The following SLC23A2 variants were observed in gnomAD, a reference collection of about 807,000 sequenced individuals.
SLC23A2 encodes the protein Na(+)/L-ascorbic acid transporter 2.
SLC23A2 carries 36 observed loss-of-function variants against 73.3 expected under a neutral mutation model. The ratio of observed to expected loss-of-function variants is 0.49; its 90% confidence interval spans 0.38 to 0.65. The LOEUF is 0.65. Ranked by LOEUF, SLC23A2 falls within the 30% of genes least tolerant of loss-of-function variation. The pLI is 0.00. For synonymous variants in SLC23A2, 343 were observed against 327.3 expected (o/e 1.05, Z -0.52); for missense variants, 507 against 841.6 (o/e 0.60, Z 4.92).
intron 4 of SLC23A2, among the ~76,000 whole-genome samples, chr20:4,903,596 G>A (rs997314046): frequency 6.6e-6 from 1 of 152,142 alleles, no homozygotes; most frequent in Non-Finnish European, 1.5e-5. Context: ...CAGGGGTTTG[G>A]GGTTTGGGGC....
At chr20:4,903,197 C>T (rs1218042654) in intron 4 of SLC23A2, among the ~76,000 whole-genome samples, 1 of 152,082 alleles carries the variant, frequency 6.6e-6, no homozygotes, top group Non-Finnish European at 1.5e-5. Context: ...TTTCTCCTAA[C>T]ACTAGTAAAA....
In SLC23A2 at chr20:4,883,842, C is replaced by T. The variant is rs773057965; in HGVS notation, c.643-19G>A. ...CCTGGATCTGCAACAAGAGATGGCA[C>T]AGACATGAGAGTGAGCTGCTTGTAC... On this transcript the variant is annotated intron_variant, in intron 8 of 16. Coordinates refer to ENST00000338244, the MANE Select transcript of SLC23A2 (RefSeq NM_005116.6). This position sits in a 1 kb window ranked among gnomAD's most constrained non-coding sequence, Gnocchi z 4.5. 6.3e-7 allele frequency: 1 copy of T among 1,588,424 alleles called. No homozygotes were observed. Among genetic ancestry groups the T allele is most frequent in the Admixed American group, 1.7e-5 (1 of 57,610 alleles).
intron 1 of SLC23A2, among the ~76,000 whole-genome samples, chr20:4,986,641 TACAC>T (rs1430876697): frequency 5.1e-5 from 4 of 78,034 alleles, no homozygotes; most frequent in African/African-American, 1.8e-4. Flanking sequence ...GATACATACA[TACAC>T]ACATACACAC....
rs371928729 is a variant in SLC23A2 at position 4,930,262 on chromosome 20, CA to C, written c.108+2192del. 4.1e-3 allele frequency among the ~76,000 whole-genome samples: 629 copies of C among 152,324 alleles called. 6 individuals are homozygous for C. The highest frequency in any genetic ancestry group is 0.014 in the African/African-American group (579 of 41,560). Reference sequence around the variant, plus strand: ...CCAAAGAGATGAGGCAACCCCCATGCATGAAACCTTCCCATTCACTCTTCAA... The same window carrying C: ...CCAAAGAGATGAGGCAACCCCCATGCTGAAACCTTCCCATTCACTCTTCAA... On this transcript the variant is annotated intron_variant, in intron 3 of 16. Transcript: ENST00000338244.
At chr20:4,903,113 G>A (rs1931813723) in intron 4 of SLC23A2, among the ~76,000 whole-genome samples, 1 of 151,964 alleles carries the variant, frequency 6.6e-6, no homozygotes, top group Non-Finnish European at 1.5e-5. Flanking sequence ...TATAAACACG[G>A]TGATTTGAAT....
chr20:4,879,144 C>T (rs1040710821), intron 9 of SLC23A2, among the ~76,000 whole-genome samples: 3 of 152,124 alleles, frequency 2.0e-5, no homozygotes, highest in Non-Finnish European at 2.9e-5. Context: ...CGGTGGCTCA[C>T]GCCTGTAATC....
At chr20:5,002,260 C>T (rs1228655757), upstream of SLC23A2, among the ~76,000 whole-genome samples, 1 of 152,162 alleles carries the variant, frequency 6.6e-6, no homozygotes, top group Non-Finnish European at 1.5e-5. Context: ...TGGGCCCCAC[C>T]CCCAGAGTTG....
chr20:4,869,847 T>G (rs1352752376), intron 12 of SLC23A2, 59 bp downstream of exon 12: 1 of 1,502,480 alleles, frequency 6.7e-7, no homozygotes, highest in Non-Finnish European at 9.0e-7. Flanking sequence ...AATGTAAACC[T>G]AAGAACAAAG....
intron 2 of SLC23A2, among the ~76,000 whole-genome samples, chr20:4,950,698 C>A (rs2087187592): frequency 1.3e-5 from 2 of 152,068 alleles, no homozygotes; most frequent in African/African-American, 4.8e-5. Flanking sequence ...GCCTCCATCT[C>A]CCTAACACCA....
chr20:4,962,777 C>G (rs937275568), intron 2 of SLC23A2, among the ~76,000 whole-genome samples: 1 of 151,968 alleles, frequency 6.6e-6, no homozygotes, highest in African/African-American at 2.4e-5. Flanking sequence ...GGCAATGGAT[C>G]ACCTGAGGTC....
chr20:4,875,085 C>G (rs1435342972), intron 9 of SLC23A2, among the ~76,000 whole-genome samples: 1 of 152,170 alleles, frequency 6.6e-6, no homozygotes, highest in East Asian at 1.9e-4. Context: ...TATGAATTAA[C>G]TACAAAGCAA....
chr20:4,873,536 G>T, intron 11 of SLC23A2, among the ~76,000 whole-genome samples: 1 of 152,166 alleles, frequency 6.6e-6, no homozygotes, highest in Admixed American at 6.5e-5. Context: ...TCATGCTTGA[G>T]CAGGTTGCTT....
intron 2 of SLC23A2, among the ~76,000 whole-genome samples, chr20:4,969,344 T>G (rs1187897355): frequency 6.6e-6 from 1 of 151,634 alleles, no homozygotes; most frequent in Non-Finnish European, 1.5e-5. Context: ...CCGCCTCAGC[T>G]TCCCAAAGTG....
rs1288651219 is a variant in SLC23A2, at chr20:4,868,706, A to T, written c.1251-831T>A. On this transcript the variant is annotated intron_variant, in intron 12 of 16. Transcript: ENST00000338244. The surrounding 1 kb of genome is among the most constrained non-coding windows in gnomAD (Gnocchi z 4.4). ...GAGAAAGATGGGGACATCAGGTACC[A>T]GAGCCAAGGCCCAGTCCATTAATCT... Among the ~76,000 whole-genome samples, 2 of 152,226 alleles carry T rather than the reference A, an allele frequency of 1.3e-5. No homozygotes were observed. The highest frequency in any genetic ancestry group is 2.9e-5 in the Non-Finnish European group (2 of 68,034).
At chr20:4,874,767 T>C (rs1250379314) in intron 9 of SLC23A2, 71 bp from the exon 10 acceptor site, 2 of 1,340,268 alleles carry the variant, frequency 1.5e-6, no homozygotes, top group African/African-American at 2.9e-5. Flanking sequence ...ACTCGAAGCT[T>C]CTATGGCAAA....
At chr20:4,958,502 T>C (rs2080985553) in intron 2 of SLC23A2, among the ~76,000 whole-genome samples, 1 of 152,234 alleles carries the variant, frequency 6.6e-6, no homozygotes, top group Non-Finnish European at 1.5e-5. Flanking sequence ...TATGTATTTC[T>C]TAGCAACAAA....
chr20:4,983,515 A>T (rs1017566495), intron 1 of SLC23A2, among the ~76,000 whole-genome samples: 1 of 151,768 alleles, frequency 6.6e-6, no homozygotes, highest in Non-Finnish European at 1.5e-5. Flanking sequence ...GCGTTGTGGC[A>T]GGTGCCTGTA....
intron 11 of SLC23A2, among the ~76,000 whole-genome samples, chr20:4,873,633 T>C (rs1014397813): frequency 6.6e-6 from 1 of 152,240 alleles, no homozygotes; most frequent in African/African-American, 2.4e-5. Context: ...TCTAAGCAGC[T>C]GCCCTCAAAT....
At chr20:4,934,696 T>C (rs1201180324) in intron 2 of SLC23A2, among the ~76,000 whole-genome samples, 5 of 148,808 alleles carry the variant, frequency 3.4e-5, no homozygotes, top group Non-Finnish European at 7.4e-5. Context: ...ACCCCGTCTC[T>C]ACTAAAAAAT....
Sources: allele counts gnomAD v4.1 joint callset (sites outside exome capture counted in the v4.1 genomes callset), GRCh38; gene constraint gnomAD v4.1.1; non-coding constraint Gnocchi (gnomAD v3.1); transcripts MANE v1.5; gene names NCBI Gene and HGNC (gene_info 2026-07-23, HGNC 2026-07-21).